TMEM26: variants seen among roughly 807,000 people sequenced by gnomAD.
TMEM26 encodes the protein transmembrane protein 26.
A neutral mutation model predicts 28.8 loss-of-function variants in TMEM26; 38 were observed. That is an observed-to-expected ratio of 1.32 (90% CI 1.02 to 1.73). The LOEUF (loss-of-function observed/expected upper bound fraction) is 1.73. TMEM26 is among the 40% of genes most tolerant of loss of function. TMEM26 has a pLI of 0.00. For missense variants in TMEM26, 518 were observed against 447.1 expected (o/e 1.16, Z -1.43); for synonymous variants, 227 against 182.9 (o/e 1.24, Z -1.95).
chr10:61,432,959 C>T (rs1244257171), intron 2 of TMEM26, among the ~76,000 whole-genome samples: 1 of 152,052 alleles, frequency 6.6e-6, no homozygotes. Context: ...AACCAAGCAA[C>T]AAATTTTCAT....
At chr10:61,431,139 G>T in intron 3 of TMEM26, 80 bp downstream of exon 3, 2 of 1,084,224 alleles carry the variant, frequency 1.8e-6, no homozygotes, top group Non-Finnish European at 2.8e-6. Flanking sequence ...TAGCTGGGAA[G>T]CATGTATAGC....
intron 4 of TMEM26, among the ~76,000 whole-genome samples, chr10:61,425,553 G>A (rs1005332218): frequency 1.3e-5 from 2 of 151,950 alleles, no homozygotes; most frequent in Non-Finnish European, 2.9e-5. Flanking sequence ...ATTTGATAAA[G>A]GACTTGTATC....
In TMEM26 at chr10:61,423,806, GA is replaced by G. The variant is rs1839786605; in HGVS notation, c.605+5119del. Among the ~76,000 whole-genome samples the G allele has an allele frequency of 3.3e-5, 5 of 152,220 alleles. No individual in the cohort carries two copies. In the South Asian group the frequency reaches 1.0e-3, roughly 32 times the overall value. ...GGAAGTCAAGGTTGGTTTAATATCT[GA>G]AAATTAATTAGTGTAATCTATTGTT... On this transcript the variant is annotated intron_variant, in intron 4 of 5. Transcript: ENST00000399298.
chr10:61,426,865 T>A (rs903766981), intron 4 of TMEM26, among the ~76,000 whole-genome samples: 14 of 152,170 alleles, frequency 9.2e-5, no homozygotes, highest in African/African-American at 3.4e-4. Context: ...ATTTGCAGTG[T>A]CTATTCTTGC....
At chr10:61,441,865 T>C (rs1210190416) in intron 1 of TMEM26, among the ~76,000 whole-genome samples, 1 of 152,198 alleles carries the variant, frequency 6.6e-6, no homozygotes, top group Non-Finnish European at 1.5e-5. Flanking sequence ...CAACTATATT[T>C]TCATATAAAG....
chr10:61,434,916 G>A (rs961389743), intron 2 of TMEM26, among the ~76,000 whole-genome samples: 3 of 152,088 alleles, frequency 2.0e-5, no homozygotes, highest in Admixed American at 6.6e-5. Flanking sequence ...CCAAATTCTC[G>A]AAGATCTTTT....
rs544954442 is a variant in TMEM26 at position 61,444,283 on chromosome 10, T to C, written c.192-8035A>G. On this transcript the variant is annotated intron_variant, in intron 1 of 5. Coordinates refer to ENST00000399298, the MANE Select transcript of TMEM26 (RefSeq NM_178505.8). ...GACAGCATCTGGTACAATAAATGCT[T>C]ATTTAATGAACAAATGAACTTATAT... Among the ~76,000 whole-genome samples, 16 of 152,336 alleles carry C rather than the reference T, an allele frequency of 1.1e-4. 1 individual carries two copies. The South Asian group carries it at 3.3e-3, about 32-fold the overall frequency.
At chr10:61,430,757 C>T (rs1300467008) in intron 3 of TMEM26, among the ~76,000 whole-genome samples, 16 of 152,012 alleles carry the variant, frequency 1.1e-4, no homozygotes, top group Admixed American at 2.6e-4. Context: ...TCAGTGTTAA[C>T]AAACGCACCA....
chr10:61,435,023 C>T (rs191077624), intron 2 of TMEM26, among the ~76,000 whole-genome samples: 2 of 152,274 alleles, frequency 1.3e-5, no homozygotes, highest in East Asian at 1.9e-4. Context: ...GAAGTCAAAG[C>T]TGGAATCAGA....
At chr10:61,415,121 A>G in intron 4 of TMEM26, 1 of 985,340 alleles carries the variant, frequency 1.0e-6, no homozygotes, top group Non-Finnish European at 1.2e-6. Flanking sequence ...ACCCTGGAAG[A>G]CACAATCAGG....
intron 5 of TMEM26, 123 bp from the exon 6 acceptor site, chr10:61,410,869 A>C: frequency 9.8e-7 from 1 of 1,017,052 alleles, no homozygotes; most frequent in South Asian, 1.7e-5. Context: ...ATTTAATTAC[A>C]GGATGGAAAT....
chr10:61,411,866 A>G (rs954778627), intron 5 of TMEM26, among the ~76,000 whole-genome samples: 3 of 152,234 alleles, frequency 2.0e-5, no homozygotes, highest in Middle Eastern at 3.2e-3. Flanking sequence ...TTTGATATGG[A>G]TAAACATAAT....
At chr10:61,450,528 A>G (rs1032378965) in intron 1 of TMEM26, among the ~76,000 whole-genome samples, 1 of 152,196 alleles carries the variant, frequency 6.6e-6, no homozygotes, top group South Asian at 2.1e-4. Flanking sequence ...GCATATGTCT[A>G]TATTCAGTTG....
At chr10:61,425,417 A>G (rs1237007656) in intron 4 of TMEM26, among the ~76,000 whole-genome samples, 3 of 152,018 alleles carry the variant, frequency 2.0e-5, no homozygotes, top group African/African-American at 7.2e-5. Context: ...TATGACACCA[A>G]AAATGTGAAA....
At chr10:61,412,344 A>T (rs760756371) in intron 5 of TMEM26, among the ~76,000 whole-genome samples, 5 of 152,098 alleles carry the variant, frequency 3.3e-5, no homozygotes, top group Non-Finnish European at 7.4e-5. Flanking sequence ...AAGTTTTTCC[A>T]TCTATTCCAA....
At position 61,429,103 on chromosome 10, in the gene TMEM26, A is replaced by C. The variant is rs758107783; in HGVS notation, c.428T>G (p.Val143Gly). The C allele has an allele frequency of 2.5e-6, 4 of 1,613,088 alleles. No individual in the cohort carries two copies. The African/African-American group carries it at 5.3e-5, about 22-fold the overall frequency. ...VNNLSTVCEK[V>G]WTLGLHQTFL... Reference sequence around the variant, plus strand: ...TGTCTGATGGAGTCCCAATGTCCAAACTTTCTCACATACTGTAGATAAGTT... The same window carrying C: ...TGTCTGATGGAGTCCCAATGTCCAACCTTTCTCACATACTGTAGATAAGTT... Residue 143 changes from valine to glycine, a missense_variant, in exon 4 of 6, where the codon GTT becomes GGT. By Grantham distance (109) the Val-to-Gly change is moderately radical. Coordinates refer to ENST00000399298, the MANE Select transcript of TMEM26 (RefSeq NM_178505.8).
At chr10:61,416,610 CT>C (rs1415765548) in intron 4 of TMEM26, among the ~76,000 whole-genome samples, 1 of 151,948 alleles carries the variant, frequency 6.6e-6, no homozygotes, top group African/African-American at 2.4e-5. Context: ...CACCTTGAGA[CT>C]TTATTTTCCT....
At position 61,452,533 on chromosome 10, in the gene TMEM26, A is replaced by G. The variant is rs1202762509; in HGVS notation, c.191+358T>C. 3 of 222,514 alleles carry G rather than the reference A, an allele frequency of 1.3e-5. No individual in the cohort carries two copies. In the Admixed American group the frequency reaches 1.5e-4, roughly 11 times the overall value. 13.8% of individuals were successfully genotyped at this position (222,514 alleles called of 1,614,324 possible). A position where few individuals can be genotyped will look rare whatever the true frequency, so the allele number is the denominator to read the frequency against. ...GCGCACACTCACACACCCCAGTTTCAGAAGGCACACTACATGGCAACCTCC... is the reference window on the plus strand; with the variant it reads ...GCGCACACTCACACACCCCAGTTTCGGAAGGCACACTACATGGCAACCTCC... On this transcript the variant is annotated intron_variant, in intron 1 of 5. Transcript: ENST00000399298.
intron 2 of TMEM26, among the ~76,000 whole-genome samples, chr10:61,432,843 CATATCTGTAGGAGCAAAA>C (rs374993756): frequency 5.9e-5 from 9 of 152,068 alleles, no homozygotes; most frequent in African/African-American, 2.2e-4. Flanking sequence ...GGCCATATTC[CATATCTGTAGGAGCAAAA>C]ATACAGTTGT....
Sources: allele counts gnomAD v4.1 joint callset (sites outside exome capture counted in the v4.1 genomes callset), GRCh38; gene constraint gnomAD v4.1.1; transcripts MANE v1.5; gene names NCBI Gene and HGNC (gene_info 2026-07-23, HGNC 2026-07-21).